Variants in MORC1 observed in about 807,000 individuals in gnomAD.
MORC1 encodes MORC family CW-type zinc finger 1, also known as MORC family CW-type zinc finger protein 1.
A neutral mutation model predicts 134.9 loss-of-function variants in MORC1; 59 were observed. That is an observed-to-expected ratio of 0.44 (90% confidence interval 0.35 to 0.54). MORC1 has a LOEUF of 0.54. MORC1 is among the 20% of genes least tolerant of loss of function. The probability of loss-of-function intolerance (pLI) is 0.00; values close to 1 mark genes in which losing one functional copy is unlikely to be tolerated. For synonymous variants in MORC1, 395 were observed against 391.7 expected (o/e 1.01, Z -0.10); for missense variants, 947 against 1,134.5 (o/e 0.83, Z 2.37).
chr3:109,101,993 G>A (rs1452972624), intron 4 of MORC1, among the ~76,000 whole-genome samples: 1 of 152,222 alleles, frequency 6.6e-6, no homozygotes, highest in African/African-American at 2.4e-5. Context: ...ATAAACCACT[G>A]AACAGGCCAG....
chr3:108,989,566 T>G (rs988813284), intron 21 of MORC1, among the ~76,000 whole-genome samples: 1 of 152,186 alleles, frequency 6.6e-6, no homozygotes, highest in Non-Finnish European at 1.5e-5. Flanking sequence ...GTGCAACACC[T>G]ATTTAATTTC....
intron 3 of MORC1, among the ~76,000 whole-genome samples, chr3:109,104,622 T>C (rs781445674): frequency 4.6e-5 from 7 of 152,046 alleles, no homozygotes; most frequent in Non-Finnish European, 7.4e-5. Flanking sequence ...GGCCAGGGGT[T>C]CAAGACCAGC....
At chr3:108,992,107 C>T (rs1407210176) in intron 21 of MORC1, among the ~76,000 whole-genome samples, 1 of 152,164 alleles carries the variant, frequency 6.6e-6, no homozygotes, top group African/African-American at 2.4e-5. Context: ...GCTACTATCT[C>T]AATCACAAAC....
At chr3:109,022,823 G>C (rs1948990454) in intron 17 of MORC1, among the ~76,000 whole-genome samples, 1 of 152,164 alleles carries the variant, frequency 6.6e-6, no homozygotes, top group African/African-American at 2.4e-5. Context: ...TGCAGGCCTA[G>C]GTACTATTGG....
chr3:109,087,494 A>C (rs1376113811), intron 8 of MORC1, among the ~76,000 whole-genome samples: 4 of 152,162 alleles, frequency 2.6e-5, no homozygotes, highest in Non-Finnish European at 5.9e-5. Flanking sequence ...AAAAGAATAA[A>C]ATACCTAGAA....
chr3:109,104,735 C>T (rs116239419), intron 3 of MORC1, among the ~76,000 whole-genome samples: 2,067 of 152,046 alleles, frequency 0.014, 43 homozygotes, highest in African/African-American at 0.046. Flanking sequence ...GTAAACTGGC[C>T]CTGAAAATGA....
intron 7 of MORC1, 149 bp downstream of exon 7, chr3:109,094,760 G>T: frequency 2.8e-6 from 2 of 702,436 alleles, no homozygotes; most frequent in Non-Finnish European, 4.3e-6. Flanking sequence ...TTAAGACAAA[G>T]CTCATATGGA....
intron 8 of MORC1, among the ~76,000 whole-genome samples, chr3:109,075,813 GTT>G (rs11293841): frequency 2.0e-5 from 3 of 151,524 alleles, no homozygotes; most frequent in Non-Finnish European, 4.4e-5. Context: ...ATTTAAAATA[GTT>G]TTTTTTTTAT....
At chr3:109,066,072 C>T (rs978856493) in intron 9 of MORC1, among the ~76,000 whole-genome samples, 1 of 151,930 alleles carries the variant, frequency 6.6e-6, no homozygotes. Context: ...TATTGGGTAC[C>T]ATGCTCATTA....
chr3:108,972,545 T>C (rs1404680068), intron 24 of MORC1, among the ~76,000 whole-genome samples: 3 of 152,206 alleles, frequency 2.0e-5, no homozygotes, highest in Admixed American at 1.3e-4. Context: ...TTAGAGTTAT[T>C]TGTCTGGCTA....
chr3:109,066,781 C>T (rs1950205920), intron 9 of MORC1, among the ~76,000 whole-genome samples: 1 of 152,148 alleles, frequency 6.6e-6, no homozygotes, highest in African/African-American at 2.4e-5. Context: ...ATAATAACCT[C>T]AGTGGCAGAG....
At chr3:109,090,803 G>A (rs993399624) in intron 8 of MORC1, among the ~76,000 whole-genome samples, 3 of 151,972 alleles carry the variant, frequency 2.0e-5, no homozygotes, top group African/African-American at 4.8e-5. Flanking sequence ...GACCAAACCT[G>A]AAAATTACAT....
At chr3:109,093,629 G>T in intron 7 of MORC1, 88 bp from the exon 8 acceptor site, 1 of 956,634 alleles carries the variant, frequency 1.0e-6, no homozygotes, top group Non-Finnish European at 1.6e-6. Context: ...ATGGAACTGA[G>T]TCTGCTATAA....
At chr3:109,114,287 G>T in intron 2 of MORC1, 97 bp downstream of exon 2, 1 of 1,096,360 alleles carries the variant, frequency 9.1e-7, no homozygotes, top group Non-Finnish European at 1.3e-6. Context: ...ATTCCAGATG[G>T]GAAAATATGA....
intron 21 of MORC1, among the ~76,000 whole-genome samples, chr3:108,992,569 T>G (rs1256992647): frequency 1.3e-5 from 2 of 152,136 alleles, no homozygotes; most frequent in Non-Finnish European, 2.9e-5. Context: ...AAAACGTGAC[T>G]CCATCTCCCA....
chr3:109,000,435 C>T lies in MORC1; in HGVS notation c.2187+122G>A, dbSNP rs534805088. ...ACTTAAACTTTTCTGAGTCTTATTT[C>T]TTCATCTCAAAACTAGGTTTTCCAA... On this transcript the variant is annotated intron_variant, in intron 21 of 27. Coordinates refer to ENST00000232603, the MANE Select transcript of MORC1 (RefSeq NM_014429.4). 644 of 699,720 alleles carry T rather than the reference C, an allele frequency of 9.2e-4. 1 individual carries two copies. Among genetic ancestry groups the T allele is most frequent in the South Asian group, 4.1e-3 (161 of 38,802 alleles). The allele number at this position is 699,720 out of a possible 1,614,324, so 43.3% of individuals were successfully genotyped here.
At chr3:108,977,405 A>T (rs964397899) in intron 24 of MORC1, among the ~76,000 whole-genome samples, 12 of 152,176 alleles carry the variant, frequency 7.9e-5, no homozygotes, top group African/African-American at 2.9e-4. Flanking sequence ...TTTTATGGAG[A>T]CAGGGTCTTG....
intron 17 of MORC1, among the ~76,000 whole-genome samples, chr3:109,008,003 G>A (rs963325272): frequency 3.3e-5 from 5 of 152,078 alleles, no homozygotes; most frequent in Admixed American, 2.6e-4. Flanking sequence ...TTTTGTGGTA[G>A]GGAAATATGG....
In MORC1 at chr3:109,114,151, TA is replaced by T. The variant is rs1951224802; in HGVS notation, c.119+232del. Among the ~76,000 whole-genome samples the T allele has an allele frequency of 2.0e-5, 3 of 152,360 alleles. No homozygotes were observed. In the South Asian group the frequency reaches 6.2e-4, roughly 32 times the overall value. The stretch of plus-strand genomic sequence containing the variant: ...AAATGAATATGTACAATTAAATGGT[TA>T]TTAACATAAAAACAGACTTCAAGTT... On this transcript the variant is annotated intron_variant, in intron 2 of 27. Coordinates refer to ENST00000232603, the MANE Select transcript of MORC1 (RefSeq NM_014429.4).
Sources: allele counts gnomAD v4.1 joint callset (sites outside exome capture counted in the v4.1 genomes callset), GRCh38; gene constraint gnomAD v4.1.1; transcripts MANE v1.5; gene names NCBI Gene and HGNC (gene_info 2026-07-23, HGNC 2026-07-21).